SFXN5: variants seen among roughly 807,000 people sequenced by gnomAD.
SFXN5 encodes sideroflexin-5.
In SFXN5, 43 loss-of-function variants were observed where a neutral mutation model predicts 50.2. The observed-to-expected ratio is 0.86, with a 90% CI of 0.67 to 1.11. The LOEUF (loss-of-function observed/expected upper bound fraction) is 1.11, where lower values mean the gene tolerates loss of function less well. SFXN5 is among the 50% of genes least tolerant of loss of function. SFXN5 has a pLI of 0.00. For missense variants in SFXN5, 463 were observed against 454.1 expected (o/e 1.02, Z -0.18); for synonymous variants, 203 against 185.8 (o/e 1.09, Z -0.75).
At chr2:73,026,430 C>G (rs1004851470) in intron 3 of SFXN5, among the ~76,000 whole-genome samples, 2 of 152,010 alleles carry the variant, frequency 1.3e-5, no homozygotes, top group Non-Finnish European at 2.9e-5. Flanking sequence ...TGGTTGCTGC[C>G]TTGACTTTAA....
chr2:72,970,563 CT>C (rs1383162982), intron 11 of SFXN5, among the ~76,000 whole-genome samples: 1 of 152,052 alleles, frequency 6.6e-6, no homozygotes, highest in Non-Finnish European at 1.5e-5. Context: ...CGGCTCCCCC[CT>C]AGCACCCATC....
At chr2:72,998,437 G>C (rs77975681) in intron 9 of SFXN5, 5,385 of 158,062 alleles carry the variant, frequency 0.034, 300 homozygotes, top group African/African-American at 0.12. Flanking sequence ...TGGAGACTCA[G>C]AGTGAGCCTA....
intron 12 of SFXN5, among the ~76,000 whole-genome samples, chr2:72,966,540 C>A (rs1365528963): frequency 3.9e-5 from 6 of 152,326 alleles, no homozygotes; most frequent in African/African-American, 1.2e-4. Context: ...CCAGTGCTCA[C>A]CATGCCATGC....
chr2:73,068,100 G>A (rs544807287), intron 1 of SFXN5, among the ~76,000 whole-genome samples: 64 of 152,242 alleles, frequency 4.2e-4, no homozygotes, highest in South Asian at 1.7e-3. Flanking sequence ...CTTTCTGCCC[G>A]TCCTCTTGCA....
intron 11 of SFXN5, among the ~76,000 whole-genome samples, chr2:72,970,736 G>A (rs1201442295): frequency 6.6e-6 from 1 of 151,838 alleles, no homozygotes; most frequent in African/African-American, 2.4e-5. Flanking sequence ...CACCCAGGCT[G>A]GAGTGCAGTG....
rs11694362 is a variant in SFXN5, at chr2:73,005,376, C to T, written c.358-3798G>A. 2.7e-3 allele frequency among the ~76,000 whole-genome samples: 411 copies of T among 152,340 alleles called. 1 individual carries two copies. Among genetic ancestry groups the T allele is most frequent in the Non-Finnish European group, 5.0e-3 (343 of 68,032 alleles). ...CCTACCATGGACCTAGTGATTAACG[C>T]TCAGGCTCTGGTTGTCAAATGCTGG... On this transcript the variant is annotated intron_variant, in intron 6 of 13. Coordinates refer to ENST00000272433, the MANE Select transcript of SFXN5 (RefSeq NM_144579.3).
intron 13 of SFXN5, among the ~76,000 whole-genome samples, chr2:72,949,053 T>G (rs1248949769): frequency 6.6e-6 from 1 of 152,180 alleles, no homozygotes; most frequent in Non-Finnish European, 1.5e-5. Context: ...GAATGAAGAC[T>G]TCTCAGAGGT....
rs115831659 is a variant in SFXN5 at position 72,961,389 on chromosome 2, T to C, written c.828-141A>G. On this transcript the variant is annotated intron_variant, in intron 12 of 13. Coordinates refer to ENST00000272433, the MANE Select transcript of SFXN5 (RefSeq NM_144579.3). The surrounding 1 kb of genome is among the most constrained non-coding windows in gnomAD (Gnocchi z 4.4). ...GTGCCAGTGTGCAGCTAAACAGATA[T>C]AGCAGAGTTCTGTCTTTGGGACCTT... is the stretch of plus-strand genomic sequence containing the variant. 2.2e-3 allele frequency: 1,158 copies of C among 532,716 alleles called. 8 individuals are homozygous for C. The highest frequency in any genetic ancestry group is 0.019 in the African/African-American group (957 of 50,258). The allele number at this position is 532,716 out of a possible 1,614,324, so 33.0% of individuals were successfully genotyped here.
intron 2 of SFXN5, among the ~76,000 whole-genome samples, chr2:73,051,491 T>C (rs1681321176): frequency 6.6e-6 from 1 of 152,028 alleles, no homozygotes; most frequent in South Asian, 2.1e-4. Context: ...CTCCTGACCT[T>C]GTGATCCACC....
At chr2:73,043,355 G>A (rs1679895840) in intron 2 of SFXN5, among the ~76,000 whole-genome samples, 1 of 152,232 alleles carries the variant, frequency 6.6e-6, no homozygotes, top group African/African-American at 2.4e-5. Flanking sequence ...TGAGCTGGCT[G>A]CCAGAGTGGG....
intron 10 of SFXN5, among the ~76,000 whole-genome samples, chr2:72,980,791 C>T (rs568807029): frequency 3.3e-5 from 5 of 152,266 alleles, no homozygotes; most frequent in South Asian, 2.1e-4. Flanking sequence ...ACACTCATAG[C>T]GACAACATGC....
chr2:73,001,403 G>A (rs1673890973), intron 7 of SFXN5, 122 bp downstream of exon 7: 1 of 984,204 alleles, frequency 1.0e-6, no homozygotes, highest in South Asian at 1.4e-5. Context: ...TAGGGGTGGT[G>A]TTGGGGTGGA....
chr2:73,047,253 T>A (rs868518207), intron 2 of SFXN5, among the ~76,000 whole-genome samples: 6 of 45,144 alleles, frequency 1.3e-4, no homozygotes, highest in African/African-American at 4.9e-4. Context: ...AAAATATATA[T>A]ATATATATAT....
At chr2:73,048,523 C>T (rs552128904) in intron 2 of SFXN5, among the ~76,000 whole-genome samples, 1 of 152,204 alleles carries the variant, frequency 6.6e-6, no homozygotes, top group African/African-American at 2.4e-5. Flanking sequence ...GCCAGTCATC[C>T]CAATATTGCA....
At chr2:73,067,529 TTTG>T (rs1249933952) in intron 1 of SFXN5, among the ~76,000 whole-genome samples, 4 of 152,230 alleles carry the variant, frequency 2.6e-5, no homozygotes, top group South Asian at 2.1e-4. Context: ...GCAGGAATTG[TTTG>T]TTGTCTTTTG....
intron 1 of SFXN5, among the ~76,000 whole-genome samples, chr2:73,067,141 A>G (rs1170910811): frequency 6.7e-6 from 1 of 150,098 alleles, no homozygotes; most frequent in Non-Finnish European, 1.5e-5. Flanking sequence ...TCATGTGATA[A>G]AGAGAGCATT....
In SFXN5 at chr2:72,961,931, T is replaced by A. The variant is rs543630698; in HGVS notation, c.828-683A>T. On this transcript the variant is annotated intron_variant, in intron 12 of 13. Transcript: ENST00000272433. This position sits in a 1 kb window ranked among gnomAD's most constrained non-coding sequence, Gnocchi z 4.4. ...CAGCTGGTCCCCTGTGCCAGCTTCA[T>A]CACCAACACAACACAGCTGGCACCC... Among the ~76,000 whole-genome samples, 1 of 152,126 alleles carries A rather than the reference T, an allele frequency of 6.6e-6. No individual in the cohort carries two copies. The highest frequency in any genetic ancestry group is 1.5e-5 in the Non-Finnish European group (1 of 68,004).
chr2:73,047,251 T>TATATATATATATATATACACACACAC (rs369153284), intron 2 of SFXN5, among the ~76,000 whole-genome samples: 2 of 27,586 alleles, frequency 7.3e-5, no homozygotes, highest in African/African-American at 1.0e-4. Context: ...AAAAAATATA[T>TATATATATATATATATACACACACAC]ATATATATAT....
intron 11 of SFXN5, among the ~76,000 whole-genome samples, chr2:72,970,564 T>C (rs11692420): frequency 0.63 from 96,225 of 151,832 alleles, 30,842 homozygotes; most frequent in East Asian, 0.77. Context: ...GGCTCCCCCC[T>C]AGCACCCATC....
Sources: allele counts gnomAD v4.1 joint callset (sites outside exome capture counted in the v4.1 genomes callset), GRCh38; gene constraint gnomAD v4.1.1; non-coding constraint Gnocchi (gnomAD v3.1); transcripts MANE v1.5; gene names NCBI Gene and HGNC (gene_info 2026-07-23, HGNC 2026-07-21).